Variants in ALDH5A1 observed in about 807,000 individuals in gnomAD.
ALDH5A1 encodes succinate-semialdehyde dehydrogenase, mitochondrial.
In ALDH5A1, 33 loss-of-function variants were observed where a neutral mutation model predicts 54.7. The observed-to-expected ratio is 0.60, with a 90% confidence interval of 0.46 to 0.81. ALDH5A1 has a LOEUF of 0.81. Ranked by LOEUF, ALDH5A1 falls within the 30% of genes least tolerant of loss-of-function variation. ALDH5A1 has a pLI of 0.00. For synonymous variants in ALDH5A1, 294 were observed against 292.7 expected, an observed-to-expected ratio of 1.00 and a Z score of -0.05; for missense variants, 657 against 711.0, an observed-to-expected ratio of 0.92 and a Z score of 0.86.
intron 3 of ALDH5A1, 89 bp from the exon 4 acceptor site, chr6:24,504,780 A>G: frequency 7.6e-7 from 1 of 1,310,630 alleles, no homozygotes; most frequent in South Asian, 1.2e-5. Context: ...GTGCAATGAA[A>G]TTTGTTCACT....
Position 24,503,348 on chromosome 6 carries a change from A to G in ALDH5A1, c.524A>G (p.Tyr175Cys), listed in dbSNP as rs762506339. ...TTCTCTGAGGAAGCCCGCCGTGTTT[A>G]CGGAGACATTATCCACACCCCGGCA... The part of the protein sequence containing the change: ...EWFSEEARRV[Y>C]GDIIHTPAKD... Residue 175 changes from tyrosine to cysteine, a missense_variant, in exon 3 of 10, where the codon TAC becomes TGC. By Grantham distance (194) the Tyr-to-Cys change is radical (BLOSUM62 -2). Around this residue, in one of 2 missense-constraint regions of ALDH5A1, gnomAD observed 425 missense variants for 516.4 expected, o/e 0.82. Coordinates refer to ENST00000357578, the MANE Select transcript of ALDH5A1 (RefSeq NM_001080.3). 1 of 1,614,130 alleles carries G rather than the reference A, an allele frequency of 6.2e-7. No homozygotes were observed. The highest frequency in any genetic ancestry group is 8.5e-7 in the Non-Finnish European group (1 of 1,180,036).
At position 24,515,314 on chromosome 6, in the gene ALDH5A1, T is replaced by A. The variant is rs1447034711; in HGVS notation, c.870+4T>A. On this transcript the variant is annotated splice_donor_region_variant and intron_variant, in intron 5 of 9. Transcript: ENST00000357578. Reference sequence around the variant, plus strand: ...TGGTTCAACAACTACAGGAAAGGTATGTGACTCAAGTTTCAAAGAAAACAA... The same window carrying A: ...TGGTTCAACAACTACAGGAAAGGTAAGTGACTCAAGTTTCAAAGAAAACAA... The A allele has an allele frequency of 1.9e-6, 3 of 1,613,976 alleles. No individual in the cohort carries two copies. Among genetic ancestry groups the A allele is most frequent in the Non-Finnish European group, 2.5e-6 (3 of 1,179,850 alleles).
chr6:24,514,853 A>G (rs147214205), intron 4 of ALDH5A1, among the ~76,000 whole-genome samples: 42 of 151,860 alleles, frequency 2.8e-4, no homozygotes, highest in African/African-American at 4.1e-4. Flanking sequence ...GCTCACTGCA[A>G]CCTCCACCTC....
chr6:24,515,193 A>C lies in ALDH5A1; in HGVS notation c.753A>C (p.Ser251=), dbSNP rs1206678002. ...AELASQAGIP[S]GVYNVIPCSR... The stretch of plus-strand genomic sequence containing the variant: ...TTGCAAGCCAGGCTGGGATTCCTTC[A>C]GGTGTATACAATGTTATTCCCTGTT... Residue 251 remains serine (S), a synonymous_variant, in exon 5 of 10, where the codon TCA becomes TCC. Coordinates refer to ENST00000357578, the MANE Select transcript of ALDH5A1 (RefSeq NM_001080.3). 2 of 1,604,544 alleles carry C rather than the reference A, an allele frequency of 1.2e-6. No homozygotes were observed. The highest frequency in any genetic ancestry group is 2.8e-5 in the African/African-American group (2 of 71,336).
chr6:24,532,090 T>A, intron 8 of ALDH5A1, 29 bp from the exon 9 acceptor site: 1 of 1,610,450 alleles, frequency 6.2e-7, no homozygotes, highest in East Asian at 2.2e-5. Flanking sequence ...CCCCCTTACA[T>A]TTTTTATGAC....
At chr6:24,496,834 C>T (rs1443324053) in intron 1 of ALDH5A1, among the ~76,000 whole-genome samples, 1 of 152,130 alleles carries the variant, frequency 6.6e-6, no homozygotes, top group African/African-American at 2.4e-5. Flanking sequence ...AACTTAATTC[C>T]CTTTTTAAAG....
chr6:24,512,918 C>G (rs1185848371), intron 4 of ALDH5A1, among the ~76,000 whole-genome samples: 7 of 151,990 alleles, frequency 4.6e-5, no homozygotes, highest in Non-Finnish European at 8.8e-5. Flanking sequence ...TGGAACTCCT[C>G]ACCTCAAGTG....
At position 24,535,050 on chromosome 6, in the gene ALDH5A1, A is replaced by T. The variant is rs189192862; in HGVS notation, c.*1338A>T. 32 of 152,350 alleles carry T rather than the reference A, an allele frequency of 2.1e-4. No homozygotes were observed. The highest frequency in any genetic ancestry group is 7.7e-4 in the African/African-American group (32 of 41,578). The allele number at this position is 152,350 out of a possible 1,614,324, so 9.4% of individuals were successfully genotyped here. Reference sequence around the variant, plus strand: ...AGAAAGACTCCGTAATCTTAAACAGATGCAAATCCAATTAGGCGGCCAAGT... The same window carrying T: ...AGAAAGACTCCGTAATCTTAAACAGTTGCAAATCCAATTAGGCGGCCAAGT... On this transcript the variant is annotated 3_prime_UTR_variant, in exon 10 of 10. Coordinates refer to ENST00000357578, the MANE Select transcript of ALDH5A1 (RefSeq NM_001080.3).
At chr6:24,517,699 G>T (rs989225596) in intron 5 of ALDH5A1, among the ~76,000 whole-genome samples, 1 of 152,226 alleles carries the variant, frequency 6.6e-6, no homozygotes, top group African/African-American at 2.4e-5. Flanking sequence ...CTTGACCCAG[G>T]ACAGTGATGC....
At chr6:24,514,740 G>T (rs887700288) in intron 4 of ALDH5A1, among the ~76,000 whole-genome samples, 1 of 151,064 alleles carries the variant, frequency 6.6e-6, no homozygotes, top group Non-Finnish European at 1.5e-5. Context: ...AAAAAAAAAA[G>T]AAAGAAAGAA....
chr6:24,505,599 C>A (rs550263516), intron 4 of ALDH5A1, among the ~76,000 whole-genome samples: 1 of 152,240 alleles, frequency 6.6e-6, no homozygotes, highest in South Asian at 2.1e-4. Context: ...CCCCAGATAC[C>A]CCTATAACTT....
chr6:24,536,554 A>C lies in ALDH5A1; in HGVS notation c.*2842A>C, dbSNP rs1033178520. 4.6e-5 allele frequency: 7 copies of C among 152,192 alleles called. No homozygotes were observed. The highest frequency in any genetic ancestry group is 7.2e-5 in the African/African-American group (3 of 41,450). 9.4% of individuals were successfully genotyped at this position (152,192 alleles called of 1,614,324 possible). On this transcript the variant is annotated 3_prime_UTR_variant, in exon 10 of 10. Coordinates refer to ENST00000357578, the MANE Select transcript of ALDH5A1 (RefSeq NM_001080.3). ...GATCTAGACCAAGAGGGAGATATTG[A>C]CCTTACTTGCATTTATCCGGCATTA...
At chr6:24,522,961 A>G in intron 7 of ALDH5A1, 36 bp downstream of exon 7, 1 of 1,379,272 alleles carries the variant, frequency 7.3e-7, no homozygotes, top group South Asian at 1.1e-5. Context: ...AGTAAATTTC[A>G]TGGTTTCAAT....
At chr6:24,510,221 A>G (rs1401585848) in intron 4 of ALDH5A1, among the ~76,000 whole-genome samples, 3 of 152,162 alleles carry the variant, frequency 2.0e-5, no homozygotes, top group Non-Finnish European at 4.4e-5. Context: ...TTTGTGGCCT[A>G]TCATATGGTC....
At chr6:24,501,579 G>C (rs570540940) in intron 1 of ALDH5A1, among the ~76,000 whole-genome samples, 2 of 146,414 alleles carry the variant, frequency 1.4e-5, no homozygotes, top group East Asian at 3.9e-4. Context: ...GTGATGATGT[G>C]TGCCTGTGGT....
chr6:24,522,021 A>G (rs1234355142), intron 6 of ALDH5A1, among the ~76,000 whole-genome samples: 3 of 151,752 alleles, frequency 2.0e-5, no homozygotes, highest in Non-Finnish European at 4.4e-5. Context: ...TAATTTTTCT[A>G]TTTTTAGTAG....
chr6:24,511,732 C>CTTT (rs76040572), intron 4 of ALDH5A1: 15 of 350,636 alleles, frequency 4.3e-5, no homozygotes, highest in African/African-American at 4.6e-5. Flanking sequence ...TTTCTTGTAT[C>CTTT]TTTTTTTTTT....
In ALDH5A1 at chr6:24,504,967, CGCCCTG is replaced by C; in HGVS notation, c.717_722del (p.Leu240_Ala241del). On this transcript the variant is annotated inframe_deletion, in exon 4 of 10. Coordinates refer to ENST00000357578, the MANE Select transcript of ALDH5A1 (RefSeq NM_001080.3). ...AGCCTGCCGAAGACACGCCCTTCTC[CGCCCTG>C]GCCCTGGCTGAGGTGAGCCGCTCTC... 6.2e-7 allele frequency: 1 copy of C among 1,614,198 alleles called. No homozygotes were observed. The highest frequency in any genetic ancestry group is 8.5e-7 in the Non-Finnish European group (1 of 1,180,016).
intron 4 of ALDH5A1, among the ~76,000 whole-genome samples, chr6:24,512,333 A>G (rs534019384): frequency 5.3e-5 from 8 of 152,288 alleles, no homozygotes; most frequent in Non-Finnish European, 1.0e-4. Context: ...AAAGTTCACA[A>G]TGCAAGCCTC....
Sources: gnomAD v4.1 joint callset for allele counts (sites outside exome capture counted in the v4.1 genomes callset) on GRCh38, gnomAD v4.1.1 for gene constraint, gnomAD v4.1.1 regional missense constraint, MANE v1.5 for transcripts, NCBI Gene and HGNC (gene_info 2026-07-23, HGNC 2026-07-21) for gene names.